CYP4B1: variants seen among roughly 807,000 people sequenced by gnomAD.
The protein encoded by CYP4B1 is cytochrome P450 family 4 subfamily B member 1, also known as cytochrome P450 4B1.
In CYP4B1, 45 loss-of-function variants were observed where a neutral mutation model predicts 54.0. The observed-to-expected ratio is 0.83, with a 90% CI of 0.66 to 1.07. CYP4B1 has a LOEUF of 1.07. Among genes scored for constraint, CYP4B1 ranks in the 50% least tolerant of loss-of-function variants. CYP4B1 has a pLI of 0.00. For synonymous variants in CYP4B1, 248 were observed against 247.5 expected, an observed-to-expected ratio of 1.00 and a Z score of -0.02; for missense variants, 656 against 655.4, an observed-to-expected ratio of 1.00 and a Z score of -0.01.
intron 1 of CYP4B1, among the ~76,000 whole-genome samples, chr1:46,809,255 C>G (rs916982974): frequency 6.6e-6 from 1 of 152,130 alleles, no homozygotes; most frequent in African/African-American, 2.4e-5. Flanking sequence ...GCCAGAATGG[C>G]CCCAGGGCCA....
At chr1:46,805,306 G>T (rs989771804) in intron 1 of CYP4B1, among the ~76,000 whole-genome samples, 10 of 152,240 alleles carry the variant, frequency 6.6e-5, no homozygotes, top group Admixed American at 3.3e-4. Context: ...GCTGAAGACA[G>T]GAGGGATGTT....
chr1:46,816,820 C>T (rs1332058809), intron 8 of CYP4B1, among the ~76,000 whole-genome samples: 1 of 152,072 alleles, frequency 6.6e-6, no homozygotes, highest in Non-Finnish European at 1.5e-5. Flanking sequence ...GCCTTCTTCT[C>T]CTACCAGTGA....
rs773563294 is a variant in CYP4B1, at chr1:46,799,239, G to A, written c.158G>A (p.Trp53Ter). 6.3e-7 allele frequency: 1 copy of A among 1,598,954 alleles called. No homozygotes were observed. The highest frequency in any genetic ancestry group is 8.5e-7 in the Non-Finnish European group (1 of 1,172,578). The change falls in exon 1 of 12, where the codon TGG becomes TAG. Residue 53 changes from tryptophan (W) to a stop codon, truncating the protein, a stop_gained. Transcript: ENST00000371923. LOFTEE classifies it high-confidence loss of function. ...AAATTCCCAGGGCCTCCCACCCACTGGCTTTTTGGACATGCCCTCGAGGTA... is the reference window on the plus strand; with the variant it reads ...AAATTCCCAGGGCCTCCCACCCACTAGCTTTTTGGACATGCCCTCGAGGTA... ...MDKFPGPPTH[W>*]LFGHALEIQE...
chr1:46,812,182 T>TG, intron 3 of CYP4B1: 1 of 508,096 alleles, frequency 2.0e-6, no homozygotes, highest in South Asian at 1.5e-5. Context: ...CCCAGGGGGA[T>TG]GCGTGTCCTT....
intron 3 of CYP4B1, 113 bp downstream of exon 3, chr1:46,811,297 G>A (rs1053488285): frequency 4.4e-6 from 5 of 1,125,638 alleles, no homozygotes; most frequent in Non-Finnish European, 6.7e-6. Flanking sequence ...TAGTTCTCGG[G>A]TGCCCATCCT....
intron 1 of CYP4B1, among the ~76,000 whole-genome samples, chr1:46,805,009 T>C (rs1487106615): frequency 1.3e-5 from 2 of 152,214 alleles, no homozygotes; most frequent in African/African-American, 2.4e-5. Context: ...CCACTTGGAA[T>C]GTATGCTGGT....
Position 46,814,195 on chromosome 1 carries a change from T to C in CYP4B1, c.776-14T>C. 6.2e-7 allele frequency: 1 copy of C among 1,613,756 alleles called. No individual in the cohort carries two copies. ...TGGCTTCCCAGGCAGTGACACTCTGTGCTTTTGGTTCAGACCAGGTCATCA... is the reference window on the plus strand; with the variant it reads ...TGGCTTCCCAGGCAGTGACACTCTGCGCTTTTGGTTCAGACCAGGTCATCA... On this transcript the variant is annotated splice_polypyrimidine_tract_variant and intron_variant, in intron 6 of 11. Coordinates refer to ENST00000371923, the MANE Select transcript of CYP4B1 (RefSeq NM_001099772.2).
At position 46,817,153 on chromosome 1, in the gene CYP4B1, C is replaced by G. The variant is rs1210392894; in HGVS notation, c.1179C>G (p.Thr393=). The G allele has an allele frequency of 6.2e-7, 1 of 1,614,180 alleles. No homozygotes were observed. Among genetic ancestry groups the G allele is most frequent in the South Asian group, 1.1e-5 (1 of 91,082 alleles). The part of the protein sequence containing the change: ...QVYRQLSKPV[T]FVDGRSLPAG... Reference sequence around the variant, plus strand: ...ACCGCCAGCTCAGCAAGCCTGTCACCTTTGTGGATGGCCGGTCTCTACCTG... The same window carrying G: ...ACCGCCAGCTCAGCAAGCCTGTCACGTTTGTGGATGGCCGGTCTCTACCTG... The change falls in exon 9 of 12, where the codon ACC becomes ACG. Residue 393 remains threonine (T), a synonymous_variant. Transcript: ENST00000371923.
At chr1:46,812,850 T>C (rs45445299) in intron 4 of CYP4B1, among the ~76,000 whole-genome samples, 3,251 of 152,250 alleles carry the variant, frequency 0.021, 120 homozygotes, top group African/African-American at 0.073. Context: ...GGCAGCCCGA[T>C]CCTTGTCTCC....
Position 46,818,692 on chromosome 1 carries a change from C to G in CYP4B1, c.1417C>G (p.Leu473Val). Residue 473 changes from leucine (L) to valine (V), a missense_variant, in exon 12 of 12, where the codon CTC becomes GTC. Transcript: ENST00000371923. Reference sequence around the variant, plus strand: ...GAAGGTGGTCACAGCCATGTGCTTGCTCCGCTTTGAGTTCTCTCTGGACCC... The same window carrying G: ...GAAGGTGGTCACAGCCATGTGCTTGGTCCGCTTTGAGTTCTCTCTGGACCC... Reference protein sequence around the residue: ...EMKVVTAMCLLRFEFSLDPSR... With the variant: ...EMKVVTAMCLVRFEFSLDPSR... 6.2e-7 allele frequency: 1 copy of G among 1,614,200 alleles called. No homozygotes were observed.
chr1:46,799,118 T>G lies in CYP4B1; in HGVS notation c.37T>G (p.Leu13Val). ...CTTCCTCTCCCTGAGCTTCTCCTCC[T>G]TGGGCCTGTGGGCTTCTGGGCTGAT... is the stretch of plus-strand genomic sequence containing the variant. ...PSFLSLSFSS[L>V]GLWASGLILV... The change falls in exon 1 of 12, where the codon TTG becomes GTG. Residue 13 changes from leucine (L) to valine (V), a missense_variant. Physicochemically the swap from Leu to Val is conservative, Grantham distance 32. Transcript: ENST00000371923. 1 of 1,614,044 alleles carries G rather than the reference T, an allele frequency of 6.2e-7. No homozygotes were observed. Among genetic ancestry groups the G allele is most frequent in the Non-Finnish European group, 8.5e-7 (1 of 1,179,996 alleles).
In CYP4B1 at chr1:46,812,388, C is replaced by T. The variant is rs900455311; in HGVS notation, c.368-108C>T. The stretch of plus-strand genomic sequence containing the variant: ...GGCAATACTGGGTCGCTTAGTGGCC[C>T]ACCCTTGGAGGGTTCCAGGCTCAGG... On this transcript the variant is annotated intron_variant, in intron 3 of 11. Transcript: ENST00000371923. 10 of 1,358,326 alleles carry T rather than the reference C, an allele frequency of 7.4e-6. No individual in the cohort carries two copies. In the African/African-American group the frequency reaches 8.6e-5, roughly 12 times the overall value. The allele number at this position is 1,358,326 out of a possible 1,614,324, so 84.1% of individuals were successfully genotyped here.
In CYP4B1 at chr1:46,819,145, C is replaced by G. The variant is rs577510186; in HGVS notation, c.*331C>G. On this transcript the variant is annotated 3_prime_UTR_variant, in exon 12 of 12. Coordinates refer to ENST00000371923, the MANE Select transcript of CYP4B1 (RefSeq NM_001099772.2). ...AACTTACATTCCAACCTTAGAGACT[C>G]ATAGTGAGCACAAGGAAAGTTTTGC... The G allele has an allele frequency of 1.9e-5, 4 of 216,000 alleles. No individual in the cohort carries two copies. Among genetic ancestry groups the G allele is most frequent in the Non-Finnish European group, 3.7e-5 (4 of 109,308 alleles). 13.4% of individuals were successfully genotyped at this position (216,000 alleles called of 1,614,324 possible).
At position 46,818,638 on chromosome 1, in the gene CYP4B1, A is replaced by C. The variant is rs769675596; in HGVS notation, c.1363A>C (p.Ile455Leu). The C allele has an allele frequency of 1.9e-5, 31 of 1,614,010 alleles. No individual in the cohort carries two copies. The highest frequency in any genetic ancestry group is 2.5e-5 in the Non-Finnish European group (29 of 1,179,972). Residue 455 changes from isoleucine to leucine, a missense_variant, in exon 12 of 12, where the codon ATT (isoleucine) becomes CTT (leucine). Coordinates refer to ENST00000371923, the MANE Select transcript of CYP4B1 (RefSeq NM_001099772.2). ...TTGTGCTGCTTGCTACAGGAACTGC[A>C]TTGGGCAGCAGTTTGCCATGAGTGA... is the stretch of plus-strand genomic sequence containing the variant. ...MPFSAGPRNC[I>L]GQQFAMSEMK...
chr1:46,817,063 A>G lies in CYP4B1; in HGVS notation c.1089A>G (p.Lys363=), dbSNP rs141320931. Residue 363 remains lysine, a synonymous_variant, in exon 9 of 12, where the codon AAA becomes AAG. Transcript: ENST00000371923. ...TTGCTGGCAGGGATGATCTGGGCAA[A>G]ATGACTTATCTGACCATGTGCATCA... is the stretch of plus-strand genomic sequence containing the variant. ...QDFFQWDDLG[K]MTYLTMCIKE... The G allele has an allele frequency of 2.5e-6, 4 of 1,613,862 alleles. No individual in the cohort carries two copies. The African/African-American group carries it at 5.3e-5, about 22-fold the overall frequency.
chr1:46,803,254 G>T (rs1678730184), intron 1 of CYP4B1, among the ~76,000 whole-genome samples: 2 of 152,220 alleles, frequency 1.3e-5, no homozygotes, highest in Non-Finnish European at 2.9e-5. Flanking sequence ...GAGGCAGGGA[G>T]GCTAGGGTGG....
rs773743194 is a variant in CYP4B1, at chr1:46,813,540, G to A, written c.554G>A (p.Gly185Asp). The change falls in exon 5 of 12, where the codon GGT (glycine) becomes GAT (aspartate). Residue 185 changes from glycine to aspartate, a missense_variant. Transcript: ENST00000371923. ...GKSFDIFCDV[G>D]HMALNTLMKC... ...TCCTTTGACATCTTCTGCGATGTGG[G>A]TCACATGGCGCTGAACACACTCATG... 1.9e-6 allele frequency: 3 copies of A among 1,614,204 alleles called. No homozygotes were observed. The highest frequency in any genetic ancestry group is 2.7e-5 in the African/African-American group (2 of 75,062).
intron 1 of CYP4B1, 95 bp from the exon 2 acceptor site, chr1:46,810,713 C>T: frequency 7.2e-7 from 1 of 1,389,526 alleles, no homozygotes; most frequent in Non-Finnish European, 1.0e-6. Flanking sequence ...CCAGGGCCTG[C>T]CTGGGCAGCC....
chr1:46,800,989 G>A (rs377656870), intron 1 of CYP4B1, among the ~76,000 whole-genome samples: 1 of 152,152 alleles, frequency 6.6e-6, no homozygotes, highest in East Asian at 1.9e-4. Context: ...TGTCCTGTTG[G>A]ATTGAAGTCT....
Sources: gnomAD v4.1 joint callset for allele counts (sites outside exome capture counted in the v4.1 genomes callset) on GRCh38, gnomAD v4.1.1 for gene constraint, MANE v1.5 for transcripts, NCBI Gene and HGNC (gene_info 2026-07-23, HGNC 2026-07-21) for gene names.